Variants in DLEC1 observed in about 807,000 individuals in gnomAD.
The protein encoded by DLEC1 is deleted in lung and esophageal cancer protein 1.
DLEC1 carries 146 observed loss-of-function variants against 198.1 expected under a neutral mutation model. That is an observed-to-expected ratio of 0.74 (90% CI 0.64 to 0.85). The LOEUF is 0.85. Among genes scored for constraint, DLEC1 ranks in the 40% least tolerant of loss-of-function variants. The probability of loss-of-function intolerance (pLI) is 0.00; values close to 1 mark genes in which losing one functional copy is unlikely to be tolerated. For missense variants in DLEC1, 2,233 were observed against 2,220.0 expected, an observed-to-expected ratio of 1.01 and a Z score of -0.12; for synonymous variants, 897 against 866.8, an observed-to-expected ratio of 1.03 and a Z score of -0.61.
In DLEC1 at chr3:38,107,584, C is replaced by G; in HGVS notation, c.2865C>G (p.Ser955Arg). 1 of 1,600,478 alleles carries G rather than the reference C, an allele frequency of 6.2e-7. No individual in the cohort carries two copies. Among genetic ancestry groups the G allele is most frequent in the South Asian group, 1.1e-5 (1 of 89,520 alleles). ...LELEVENGAWSYLPVYAEVQK... is the reference protein window; with the variant it reads ...LELEVENGAWRYLPVYAEVQK... ...TGCCTTTTGTTTCCTCGTGTTCCAGCTACCTTCCTGTGTATGCTGAGGTAC... is the reference window on the plus strand; with the variant it reads ...TGCCTTTTGTTTCCTCGTGTTCCAGGTACCTTCCTGTGTATGCTGAGGTAC... The change falls in exon 20 of 37, where the codon AGC becomes AGG. Residue 955 changes from serine to arginine, a missense_variant and splice_region_variant. Coordinates refer to ENST00000308059, the MANE Select transcript of DLEC1 (RefSeq NM_007335.4).
intron 9 of DLEC1, among the ~76,000 whole-genome samples, chr3:38,087,225 G>A (rs1698505382): frequency 6.6e-6 from 1 of 152,134 alleles, no homozygotes; most frequent in Non-Finnish European, 1.5e-5. Context: ...TGAGTGCCCA[G>A]CTCCACCAGT....
chr3:38,049,349 A>G (rs191641513), intron 2 of DLEC1, among the ~76,000 whole-genome samples: 229 of 152,308 alleles, frequency 1.5e-3, no homozygotes, highest in African/African-American at 5.2e-3. Context: ...TAACTCAGAT[A>G]ACTGGCAATG....
rs199896152 is a variant in DLEC1 at position 38,115,025 on chromosome 3, C to G, written c.3828C>G (p.Thr1276=). 31 of 1,613,878 alleles carry G rather than the reference C, an allele frequency of 1.9e-5. No individual in the cohort carries two copies. Among genetic ancestry groups the G allele is most frequent in the East Asian group, 1.3e-4 (6 of 44,892 alleles). ...QVSGGDTVTR[T]LRLNNSSPCD... ...CCGGAGGAGACACAGTTACCCGAAC[C>G]CTTCGCCTGAATAACTCCAGCCCCT... The change falls in exon 27 of 37, where the codon ACC becomes ACG. Residue 1276 remains threonine (T), a synonymous_variant. Coordinates refer to ENST00000308059, the MANE Select transcript of DLEC1 (RefSeq NM_007335.4).
At chr3:38,113,131 C>T (rs895181556) in intron 25 of DLEC1, among the ~76,000 whole-genome samples, 3 of 152,132 alleles carry the variant, frequency 2.0e-5, no homozygotes, top group Middle Eastern at 3.2e-3. Flanking sequence ...AAGACAAATA[C>T]AGACAGACGG....
intron 6 of DLEC1, among the ~76,000 whole-genome samples, chr3:38,077,951 C>T (rs894196065): frequency 2.0e-5 from 3 of 152,102 alleles, no homozygotes; most frequent in Non-Finnish European, 2.9e-5. Context: ...TTCTAAGAGG[C>T]GGGCTAGTGG....
At chr3:38,086,165 T>A in intron 8 of DLEC1, 76 bp from the exon 9 acceptor site, 1 of 1,523,818 alleles carries the variant, frequency 6.6e-7, no homozygotes, top group Non-Finnish European at 8.8e-7. Flanking sequence ...TGGCTGTACC[T>A]CAGGAGAAGC....
intron 6 of DLEC1, among the ~76,000 whole-genome samples, chr3:38,069,490 A>AAC (rs140617640): frequency 0.03 from 4,572 of 150,886 alleles, 142 homozygotes; most frequent in African/African-American, 0.081. Context: ...AGTAAGGAAC[A>AAC]ACACACACAC....
chr3:38,079,603 G>A (rs1219765648), intron 6 of DLEC1, among the ~76,000 whole-genome samples: 3 of 152,310 alleles, frequency 2.0e-5, no homozygotes, highest in South Asian at 4.1e-4. Context: ...AGAGTTCCAG[G>A]GGCTCTGGGA....
rs1408422586 is a variant in DLEC1 at position 38,112,541 on chromosome 3, T to C, written c.3666+180T>C. On this transcript the variant is annotated intron_variant, in intron 25 of 36. Transcript: ENST00000308059. This position sits in a 1 kb window ranked among gnomAD's most constrained non-coding sequence, Gnocchi z 4.8. ...CTGAGGCAGCCTCTGGGGTTCTGGC[T>C]GAGGCATTTCAGGCAGGAGGGGTCC... 6.6e-6 allele frequency among the ~76,000 whole-genome samples: 1 copy of C among 152,220 alleles called. No individual in the cohort carries two copies.
intron 18 of DLEC1, among the ~76,000 whole-genome samples, chr3:38,098,374 G>A (rs1002007215): frequency 6.6e-6 from 1 of 152,092 alleles, no homozygotes; most frequent in African/African-American, 2.4e-5. Flanking sequence ...GATTTATTTC[G>A]ACTCAAATGG....
At chr3:38,062,865 C>T (rs749623424) in intron 5 of DLEC1, 64 bp downstream of exon 5, 9 of 1,545,406 alleles carry the variant, frequency 5.8e-6, no homozygotes, top group Non-Finnish European at 3.5e-6. Flanking sequence ...CTAGATGGTC[C>T]TCCGTTTGGT....
At chr3:38,108,540 A>G (rs1195984437) in intron 21 of DLEC1, 25 bp downstream of exon 21, 3 of 1,597,148 alleles carry the variant, frequency 1.9e-6, no homozygotes, top group Non-Finnish European at 1.7e-6. Flanking sequence ...GTAGGGCCTG[A>G]GTGACCGGGA....
intron 26 of DLEC1, 60 bp from the exon 27 acceptor site, chr3:38,114,923 C>A (rs1700070628): frequency 1.3e-6 from 2 of 1,509,578 alleles, no homozygotes; most frequent in African/African-American, 2.7e-5. Flanking sequence ...CAGCCCTCCT[C>A]CCTACCTGCA....
chr3:38,045,390 T>C (rs1377447577), intron 1 of DLEC1, among the ~76,000 whole-genome samples, 153 bp from the exon 2 acceptor site: 1 of 152,186 alleles, frequency 6.6e-6, no homozygotes, highest in Admixed American at 6.5e-5. Context: ...GTCTCAGTTT[T>C]CAGATCTAGT....
In DLEC1 at chr3:38,117,228, G is replaced by GA. The variant is rs2125744452; in HGVS notation, c.4328dup (p.Arg1444GlufsTer18). 6.2e-7 allele frequency: 1 copy of GA among 1,614,160 alleles called. No individual in the cohort carries two copies. The highest frequency in any genetic ancestry group is 1.7e-5 in the Admixed American group (1 of 60,024). ...AGTAGGTGGAAAGGGAGATTCCAGG[G>GA]AAGAGGCATCGCCTGCAGGACTTTG... On this transcript the variant is annotated frameshift_variant, in exon 31 of 37. Coordinates refer to ENST00000308059, the MANE Select transcript of DLEC1 (RefSeq NM_007335.4). LOFTEE classifies it high-confidence loss of function.
chr3:38,104,100 A>G (rs577124911), intron 19 of DLEC1, among the ~76,000 whole-genome samples: 2 of 152,354 alleles, frequency 1.3e-5, no homozygotes, highest in East Asian at 1.9e-4. Flanking sequence ...GTGAAGTACA[A>G]TAAAGCAGAG....
chr3:38,108,323 C>A, intron 20 of DLEC1, 82 bp from the exon 21 acceptor site: 1 of 1,143,556 alleles, frequency 8.7e-7, no homozygotes, highest in Non-Finnish European at 1.3e-6. Flanking sequence ...GCATTGCATG[C>A]AGCAGTGCTG....
intron 10 of DLEC1, among the ~76,000 whole-genome samples, chr3:38,088,730 C>T (rs1361687612): frequency 2.6e-5 from 4 of 152,152 alleles, no homozygotes; most frequent in African/African-American, 9.7e-5. Context: ...CCCCCAGGCC[C>T]CTCTATCATC....
In DLEC1 at chr3:38,122,723, T is replaced by C. The variant is rs1700556351; in HGVS notation, c.*311T>C. The C allele has an allele frequency of 7.3e-7, 1 of 1,362,368 alleles. No homozygotes were observed. The highest frequency in any genetic ancestry group is 9.6e-7 in the Non-Finnish European group (1 of 1,043,112). The allele number at this position is 1,362,368 out of a possible 1,614,324, so 84.4% of individuals were successfully genotyped here. On this transcript the variant is annotated 3_prime_UTR_variant, in exon 37 of 37. Transcript: ENST00000308059. ...AACCACAGCCACTAAGATAAATTCATGCACTTTTACTATGCCCATTGCACT... is the reference window on the plus strand; with the variant it reads ...AACCACAGCCACTAAGATAAATTCACGCACTTTTACTATGCCCATTGCACT...
Sources: gnomAD v4.1 joint callset for allele counts (sites outside exome capture counted in the v4.1 genomes callset) on GRCh38, gnomAD v4.1.1 for gene constraint, Gnocchi (gnomAD v3.1) non-coding constraint, MANE v1.5 for transcripts, NCBI Gene and HGNC (gene_info 2026-07-23, HGNC 2026-07-21) for gene names.